FREM2: variants seen among roughly 807,000 people sequenced by gnomAD.
The protein encoded by FREM2 is FRAS1-related extracellular matrix protein 2.
FREM2 carries 119 observed loss-of-function variants against 219.9 expected under a neutral mutation model. The observed-to-expected ratio is 0.54, with a 90% CI of 0.47 to 0.63. The LOEUF is 0.63. FREM2 is among the 30% of genes least tolerant of loss of function. FREM2 has a pLI of 0.00. For missense variants in FREM2, 4,030 were observed against 3,993.6 expected, an observed-to-expected ratio of 1.01 and a Z score of -0.25; for synonymous variants, 1,562 against 1,522.8, an observed-to-expected ratio of 1.03 and a Z score of -0.60.
chr13:38,738,496 G>A (rs1344515812), intron 2 of FREM2, among the ~76,000 whole-genome samples: 2 of 147,894 alleles, frequency 1.4e-5, no homozygotes, highest in Non-Finnish European at 3.0e-5. Context: ...AACCTGGCAG[G>A]TGGAGGTTGC....
chr13:38,770,156 C>T (rs1364227455), intron 4 of FREM2, among the ~76,000 whole-genome samples: 1 of 147,498 alleles, frequency 6.8e-6, no homozygotes, highest in African/African-American at 2.5e-5. Context: ...AAATTATTTA[C>T]ATATTTTATA....
At chr13:38,804,474 A>G (rs186657622) in intron 6 of FREM2, among the ~76,000 whole-genome samples, 15 of 152,268 alleles carry the variant, frequency 9.9e-5, no homozygotes, top group Admixed American at 7.9e-4. Context: ...TGCTCTGCAC[A>G]TACTAAATAC....
At chr13:38,772,072 G>T (rs1873686591) in intron 4 of FREM2, among the ~76,000 whole-genome samples, 1 of 151,810 alleles carries the variant, frequency 6.6e-6, no homozygotes. Context: ...CCAGCTCTTT[G>T]CATATAAATT....
At chr13:38,777,426 C>T (rs192045637) in intron 4 of FREM2, among the ~76,000 whole-genome samples, 5 of 152,282 alleles carry the variant, frequency 3.3e-5, no homozygotes, top group Non-Finnish European at 7.3e-5. Flanking sequence ...TGGGCGGGCT[C>T]TGACATGGAG....
intron 6 of FREM2, among the ~76,000 whole-genome samples, chr13:38,812,607 A>G (rs1410744374): frequency 6.6e-6 from 1 of 152,130 alleles, no homozygotes; most frequent in Non-Finnish European, 1.5e-5. Flanking sequence ...TTGGCTGGGC[A>G]TGGAGGCTCA....
intron 15 of FREM2, among the ~76,000 whole-genome samples, chr13:38,863,542 A>G (rs1046849911): frequency 1.4e-5 from 1 of 69,700 alleles, no homozygotes; most frequent in Non-Finnish European, 2.6e-5. Flanking sequence ...TCCTTTAAAA[A>G]ACTATGTTAT....
At chr13:38,843,598 T>C (rs1255362860) in intron 6 of FREM2, among the ~76,000 whole-genome samples, 1 of 152,224 alleles carries the variant, frequency 6.6e-6, no homozygotes, top group African/African-American at 2.4e-5. Context: ...CCTCTTGCTT[T>C]AGTACTCATT....
intron 4 of FREM2, among the ~76,000 whole-genome samples, chr13:38,770,146 AAATT>A (rs1455280190): frequency 6.8e-6 from 1 of 147,886 alleles, no homozygotes; most frequent in Non-Finnish European, 1.5e-5. Flanking sequence ...TTATGTATAT[AAATT>A]ATTTACATAT....
intron 6 of FREM2, among the ~76,000 whole-genome samples, chr13:38,812,786 G>A (rs1179285043): frequency 1.3e-5 from 2 of 151,914 alleles, no homozygotes; most frequent in African/African-American, 4.8e-5. Flanking sequence ...GAGAGGCTGA[G>A]ATGGGAGGAT....
rs971004319 is a variant in FREM2, at chr13:38,867,721, A to C, written c.7983+3115A>C. Among the ~76,000 whole-genome samples the C allele has an allele frequency of 2.6e-5, 4 of 152,242 alleles. No individual in the cohort carries two copies. In the East Asian group the frequency reaches 5.8e-4, roughly 22 times the overall value. On this transcript the variant is annotated intron_variant, in intron 16 of 23. Transcript: ENST00000280481. ...CAAGTCTAAACACCAGAGAACTGGG[A>C]GTTCTGATATCCAAGGGCAGGAAAA...
chr13:38,700,702 C>T (rs901149712), intron 2 of FREM2, among the ~76,000 whole-genome samples: 3 of 152,064 alleles, frequency 2.0e-5, no homozygotes, highest in African/African-American at 7.2e-5. Flanking sequence ...AGCTGGGCAA[C>T]TAGAGGCTGC....
intron 6 of FREM2, among the ~76,000 whole-genome samples, chr13:38,839,368 C>T (rs1010821244): frequency 6.6e-6 from 1 of 152,206 alleles, no homozygotes; most frequent in Non-Finnish European, 1.5e-5. Context: ...CACATGCCAG[C>T]CAGAGCTCTC....
At chr13:38,707,940 C>A (rs1050341901) in intron 2 of FREM2, among the ~76,000 whole-genome samples, 4 of 152,186 alleles carry the variant, frequency 2.6e-5, no homozygotes, top group Non-Finnish European at 5.9e-5. Context: ...TTTTGTTTCA[C>A]CATCCGTGTC....
At chr13:38,724,636 A>G (rs1472315462) in intron 2 of FREM2, among the ~76,000 whole-genome samples, 1 of 152,184 alleles carries the variant, frequency 6.6e-6, no homozygotes, top group Non-Finnish European at 1.5e-5. Context: ...AAAAAAGTAA[A>G]TTTATTTGAA....
Position 38,753,518 on chromosome 13 carries a change from C to T in FREM2, c.5264-10786C>T, listed in dbSNP as rs753064261. 2.8e-4 allele frequency among the ~76,000 whole-genome samples: 42 copies of T among 152,310 alleles called. 1 individual carries two copies. Among genetic ancestry groups the T allele is most frequent in the Admixed American group, 1.6e-3 (24 of 15,298 alleles). ...GCTTGGCATCCGTTTATATTATTCA[C>T]ACACATAATCATTTCTTGAGTTAGT... On this transcript the variant is annotated intron_variant, in intron 2 of 23. Transcript: ENST00000280481.
chr13:38,713,584 C>T (rs1180152240), intron 2 of FREM2, among the ~76,000 whole-genome samples: 1 of 152,274 alleles, frequency 6.6e-6, no homozygotes, highest in Non-Finnish European at 1.5e-5. Flanking sequence ...CTTAACTGAT[C>T]GCTCCATTTT....
intron 2 of FREM2, among the ~76,000 whole-genome samples, chr13:38,699,941 C>T (rs77142257): frequency 0.011 from 1,733 of 151,962 alleles, 49 homozygotes; most frequent in African/African-American, 0.04. Context: ...TAAGTCATCC[C>T]GATGAAATAT....
At chr13:38,726,138 A>G (rs1291954087) in intron 2 of FREM2, among the ~76,000 whole-genome samples, 1 of 152,182 alleles carries the variant, frequency 6.6e-6, no homozygotes, top group Non-Finnish European at 1.5e-5. Flanking sequence ...AAAAGCCTGG[A>G]CAGTGACAGT....
chr13:38,825,382 T>A (rs1352361886), intron 6 of FREM2, among the ~76,000 whole-genome samples: 2 of 152,046 alleles, frequency 1.3e-5, no homozygotes, highest in African/African-American at 2.4e-5. Flanking sequence ...TATTACTTAC[T>A]GTTTTTATAA....
Sources: gnomAD v4.1 joint callset for allele counts (sites outside exome capture counted in the v4.1 genomes callset) on GRCh38, gnomAD v4.1.1 for gene constraint, MANE v1.5 for transcripts, NCBI Gene and HGNC (gene_info 2026-07-23, HGNC 2026-07-21) for gene names.